Variants in PGCKA1 observed in about 807,000 individuals in gnomAD.
PGCKA1 encodes the protein PDCD10 and GCKIII kinases associated 1.
chr4:37,535,742 A>G, the PGCKA1 span, among the ~76,000 whole-genome samples: 4 of 152,114 alleles, frequency 2.6e-5, no homozygotes, highest in African/African-American at 9.7e-5. Flanking sequence ...CCACCACATT[A>G]TGGATGAGGA....
chr4:37,545,645 T>G, the PGCKA1 span, among the ~76,000 whole-genome samples: 36 of 152,202 alleles, frequency 2.4e-4, no homozygotes, highest in African/African-American at 8.7e-4. Flanking sequence ...TTTGGGTTTC[T>G]GCCTTTGTTT....
the PGCKA1 span, among the ~76,000 whole-genome samples, chr4:37,551,781 T>C: frequency 6.6e-6 from 1 of 152,344 alleles, no homozygotes; most frequent in East Asian, 1.9e-4. Context: ...ATAATAGTAA[T>C]AGAAACCTGC....
chr4:37,542,885 T>C, the PGCKA1 span, among the ~76,000 whole-genome samples: 1 of 152,206 alleles, frequency 6.6e-6, no homozygotes, highest in Non-Finnish European at 1.5e-5. Context: ...TGATGTCTTA[T>C]TCATCTGGGC....
the PGCKA1 span, among the ~76,000 whole-genome samples, chr4:37,478,065 T>C: frequency 6.6e-6 from 1 of 151,972 alleles, no homozygotes; most frequent in African/African-American, 2.4e-5. Context: ...AGCTCATCTT[T>C]CCAAAGGCGA....
At chr4:37,556,779 G>A in the PGCKA1 span, among the ~76,000 whole-genome samples, 458 of 152,220 alleles carry the variant, frequency 3.0e-3, 3 homozygotes, top group African/African-American at 0.01. Flanking sequence ...CTGCTAGAGG[G>A]TTATCTCCCT....
chr4:37,558,623 A>G, the PGCKA1 span, among the ~76,000 whole-genome samples: 1 of 151,554 alleles, frequency 6.6e-6, no homozygotes, highest in Non-Finnish European at 1.5e-5. Flanking sequence ...GAGCTTCTGC[A>G]CAGCAAAAGA....
At chr4:37,544,309 T>A in the PGCKA1 span, among the ~76,000 whole-genome samples, 4 of 152,188 alleles carry the variant, frequency 2.6e-5, no homozygotes, top group Non-Finnish European at 5.9e-5. Context: ...ATCTCAGTGA[T>A]GTATGTTGAT....
the PGCKA1 span, among the ~76,000 whole-genome samples, chr4:37,504,573 A>G: frequency 6.6e-6 from 1 of 151,920 alleles, no homozygotes; most frequent in Non-Finnish European, 1.5e-5. Context: ...ATACCTTTCC[A>G]TTTTGTGTGT....
chr4:37,522,545 C>T, the PGCKA1 span, among the ~76,000 whole-genome samples: 2 of 151,970 alleles, frequency 1.3e-5, no homozygotes, highest in African/African-American at 4.8e-5. Flanking sequence ...AATCTGGGAC[C>T]CCAAGAGCTT....
chr4:37,454,004 C>G, the PGCKA1 span: 1 of 160,518 alleles, frequency 6.2e-6, no homozygotes, highest in Non-Finnish European at 1.3e-5. Context: ...GGCGCCGGGA[C>G]CCCGCCGCCG....
chr4:37,587,784 C>T, the PGCKA1 span, among the ~76,000 whole-genome samples: 236 of 152,146 alleles, frequency 1.6e-3, 1 homozygote, highest in African/African-American at 5.4e-3. Flanking sequence ...GCATGGCCAA[C>T]GTGGCAAAAC....
the PGCKA1 span, among the ~76,000 whole-genome samples, chr4:37,484,019 C>G: frequency 6.6e-6 from 1 of 152,122 alleles, no homozygotes; most frequent in East Asian, 1.9e-4. Flanking sequence ...AAACACTCTT[C>G]CCACATAAAA....
At chr4:37,481,820 C>A in the PGCKA1 span, among the ~76,000 whole-genome samples, 1 of 152,152 alleles carries the variant, frequency 6.6e-6, no homozygotes, top group Non-Finnish European at 1.5e-5. Context: ...TTCCCATAAT[C>A]CCCACGTGTC....
At chr4:37,484,583 T>C in the PGCKA1 span, among the ~76,000 whole-genome samples, 11 of 152,190 alleles carry the variant, frequency 7.2e-5, no homozygotes, top group Admixed American at 6.5e-4. Flanking sequence ...ATTATCAGCT[T>C]CCTGAGGCCC....
chr4:37,504,026 A>G, the PGCKA1 span, among the ~76,000 whole-genome samples: 1 of 152,120 alleles, frequency 6.6e-6, no homozygotes, highest in Admixed American at 6.5e-5. Flanking sequence ...TGTCCAGTCC[A>G]ATGTCCTAGA....
chr4:37,530,566 T>A, the PGCKA1 span, among the ~76,000 whole-genome samples: 2 of 77,364 alleles, frequency 2.6e-5, no homozygotes, highest in Admixed American at 2.1e-4. Flanking sequence ...AAAGTGAAAC[T>A]ATGTCTCAAA....
the PGCKA1 span, among the ~76,000 whole-genome samples, chr4:37,548,911 C>T: frequency 6.6e-6 from 1 of 152,260 alleles, no homozygotes; most frequent in Non-Finnish European, 1.5e-5. Flanking sequence ...TGCTTGTGCA[C>T]ATGGCAGAGG....
chr4:37,458,666 C>A, the PGCKA1 span, among the ~76,000 whole-genome samples: 1 of 152,088 alleles, frequency 6.6e-6, no homozygotes, highest in African/African-American at 2.4e-5. Context: ...GAAGCAACGC[C>A]CCTTGAGGCC....
At chr4:37,498,903 G>A in the PGCKA1 span, among the ~76,000 whole-genome samples, 2 of 152,198 alleles carry the variant, frequency 1.3e-5, no homozygotes, top group East Asian at 1.9e-4. Flanking sequence ...TCTTGTGCCA[G>A]TTTCCAAGGG....
Sources: allele counts gnomAD v4.1 joint callset (sites outside exome capture counted in the v4.1 genomes callset), GRCh38; gene constraint gnomAD v4.1.1; transcripts MANE v1.5; gene names NCBI Gene and HGNC (gene_info 2026-07-23, HGNC 2026-07-21).